Variants in PTPRT observed in about 807,000 individuals in gnomAD.
The protein encoded by PTPRT is protein tyrosine phosphatase receptor type T.
Under a neutral mutation model 176.8 loss-of-function variants are expected in PTPRT, and 56 were observed. That is an observed-to-expected ratio of 0.32 (90% CI 0.26 to 0.40). The LOEUF (loss-of-function observed/expected upper bound fraction) is 0.40. Among genes scored for constraint, PTPRT ranks in the 10% least tolerant of loss-of-function variants. The pLI is 1.00. For synonymous variants in PTPRT, 783 were observed against 739.0 expected (o/e 1.06, Z -0.96); for missense variants, 1,540 against 1,908.2 (o/e 0.81, Z 3.60).
chr20:42,609,689 T>G (rs2073941550), intron 7 of PTPRT, among the ~76,000 whole-genome samples: 1 of 152,180 alleles, frequency 6.6e-6, no homozygotes, highest in Non-Finnish European at 1.5e-5. Flanking sequence ...TTCCAGCTTC[T>G]CTTCCTCTAG....
rs558419960 is a variant in PTPRT at position 42,329,933 on chromosome 20, A to T, written c.1866-13937T>A. Among the ~76,000 whole-genome samples the T allele has an allele frequency of 7.9e-5, 12 of 152,288 alleles. No individual in the cohort carries two copies. The South Asian group carries it at 2.5e-3, about 32-fold the overall frequency. Reference sequence around the variant, plus strand: ...TACTTTGAAAATATTTTTTTAATTTAATATGTTACAAAATAGCTGTAGTAT... The same window carrying T: ...TACTTTGAAAATATTTTTTTAATTTTATATGTTACAAAATAGCTGTAGTAT... On this transcript the variant is annotated intron_variant, in intron 11 of 30. Transcript: ENST00000373187.
At chr20:42,306,199 G>C (rs1199789700) in intron 12 of PTPRT, among the ~76,000 whole-genome samples, 1 of 152,210 alleles carries the variant, frequency 6.6e-6, no homozygotes, top group Non-Finnish European at 1.5e-5. Flanking sequence ...AGCAACCTGG[G>C]AGAGCTCATC....
chr20:42,108,717 A>G (rs980383039), intron 23 of PTPRT, among the ~76,000 whole-genome samples: 4 of 152,202 alleles, frequency 2.6e-5, no homozygotes, highest in African/African-American at 9.6e-5. Context: ...GGAGAAAGAA[A>G]ACATTAAGAG....
chr20:42,965,735 A>G (rs147736277), intron 1 of PTPRT, among the ~76,000 whole-genome samples: 356 of 152,324 alleles, frequency 2.3e-3, no homozygotes, highest in African/African-American at 8.2e-3. Context: ...GGAAAAACTT[A>G]ACATGGCACT....
chr20:42,562,148 A>G (rs1027310163), intron 7 of PTPRT, among the ~76,000 whole-genome samples: 19 of 152,202 alleles, frequency 1.2e-4, no homozygotes, highest in African/African-American at 4.1e-4. Context: ...TAAAATAAAC[A>G]AATCTTAAGT....
chr20:42,547,543 C>T (rs192731741), intron 7 of PTPRT, among the ~76,000 whole-genome samples: 49 of 152,108 alleles, frequency 3.2e-4, no homozygotes, highest in African/African-American at 1.0e-3. Flanking sequence ...AGATAAAAGA[C>T]TGATAAAGTT....
rs1986500324 is a variant in PTPRT at position 42,106,898 on chromosome 20, C to T, written c.3278G>A (p.Cys1093Tyr). ...HCSAGAGRTG[C>Y]FIAIDTMLDM... ...AAGCATGGTGTCAATGGCAATGAAG[C>T]AGCCAGTCCGCCCAGCCCCAGCACT... The change falls in exon 24 of 31, where the codon TGC (cysteine) becomes TAC (tyrosine). Residue 1093 changes from cysteine (C) to tyrosine (Y), a missense_variant. Coordinates refer to ENST00000373187, the MANE Select transcript of PTPRT (RefSeq NM_007050.6). 1 of 1,613,996 alleles carries T rather than the reference C, an allele frequency of 6.2e-7. No homozygotes were observed. Among genetic ancestry groups the T allele is most frequent in the Admixed American group, 1.7e-5 (1 of 59,996 alleles).
Position 42,078,988 on chromosome 20 carries a change from A to AGGTAC in PTPRT, c.*1890_*1891insGTACC, listed in dbSNP as rs1983049335. 1 of 178,056 alleles carries AGGTAC rather than the reference A, an allele frequency of 5.6e-6. No individual in the cohort carries two copies. Among genetic ancestry groups the AGGTAC allele is most frequent in the Non-Finnish European group, 1.2e-5 (1 of 82,978 alleles). The allele number at this position is 178,056 out of a possible 1,614,324, so 11.0% of individuals were successfully genotyped here. ...TGAGGGCCAAAGCTGTACCTTCTTGAATTCTCTGCCCCTCATGCCCTGTCT... is the reference window on the plus strand; with the variant it reads ...TGAGGGCCAAAGCTGTACCTTCTTGAGGTACATTCTCTGCCCCTCATGCCCTGTCT... On this transcript the variant is annotated 3_prime_UTR_variant, in exon 31 of 31. Transcript: ENST00000373187.
intron 15 of PTPRT, among the ~76,000 whole-genome samples, chr20:42,229,985 A>G (rs1354807085): frequency 1.3e-5 from 2 of 152,058 alleles, no homozygotes; most frequent in Non-Finnish European, 2.9e-5. Context: ...ATGTGTTAGG[A>G]GTTCCATGGA....
At chr20:42,981,934 T>C (rs1983304944) in intron 1 of PTPRT, among the ~76,000 whole-genome samples, 1 of 152,124 alleles carries the variant, frequency 6.6e-6, no homozygotes, top group Admixed American at 6.5e-5. Context: ...CAATGGTCTC[T>C]TTATGGGGCG....
At chr20:42,784,257 G>T (rs1446563908) in intron 3 of PTPRT, among the ~76,000 whole-genome samples, 1 of 152,166 alleles carries the variant, frequency 6.6e-6, no homozygotes, top group East Asian at 1.9e-4. Flanking sequence ...GATATGTCAG[G>T]CCATGGTTTA....
intron 11 of PTPRT, among the ~76,000 whole-genome samples, chr20:42,350,226 T>TGTTGTTG (rs762596591): frequency 0.052 from 4,585 of 88,068 alleles, 268 homozygotes; most frequent in African/African-American, 0.14. Flanking sequence ...TTTTTTTTTT[T>TGTTGTTG]TTTTTTTTTT....
rs1982951428 is a variant in PTPRT, at chr20:42,078,074, A to G, written c.*2805T>C. ...CAGGCTGGGGAAGGCCAGCTGGGGCATTGGGCTGGAGCCGAGGGAGGCCAG... is the reference window on the plus strand; with the variant it reads ...CAGGCTGGGGAAGGCCAGCTGGGGCGTTGGGCTGGAGCCGAGGGAGGCCAG... On this transcript the variant is annotated 3_prime_UTR_variant, in exon 31 of 31. Transcript: ENST00000373187. 1.1e-5 allele frequency: 2 copies of G among 186,916 alleles called. No homozygotes were observed. Among genetic ancestry groups the G allele is most frequent in the African/African-American group, 4.7e-5 (2 of 42,698 alleles). The allele number at this position is 186,916 out of a possible 1,614,324, so 11.6% of individuals were successfully genotyped here. A position where few individuals can be genotyped will look rare whatever the true frequency, so the allele number is the denominator to read the frequency against.
At chr20:43,016,427 C>A (rs1985374183) in intron 1 of PTPRT, among the ~76,000 whole-genome samples, 1 of 151,816 alleles carries the variant, frequency 6.6e-6, no homozygotes, top group African/African-American at 2.4e-5. Flanking sequence ...GGACTGTGGT[C>A]TCCCCTTTCC....
chr20:42,908,880 G>C (rs1053743052), intron 1 of PTPRT, among the ~76,000 whole-genome samples: 2 of 152,162 alleles, frequency 1.3e-5, no homozygotes, highest in African/African-American at 4.8e-5. Context: ...AATACAGGAT[G>C]GTGCCAGGGC....
intron 7 of PTPRT, among the ~76,000 whole-genome samples, chr20:42,630,075 G>A (rs2074374771): frequency 6.6e-6 from 1 of 152,094 alleles, no homozygotes; most frequent in African/African-American, 2.4e-5. Flanking sequence ...TTCATTTTTT[G>A]GGTGGGCTCA....
chr20:42,852,702 C>A (rs1176924437), intron 2 of PTPRT, among the ~76,000 whole-genome samples: 2 of 152,156 alleles, frequency 1.3e-5, no homozygotes, highest in Non-Finnish European at 2.9e-5. Context: ...CAAGCCCAGC[C>A]TAGATACCTC....
chr20:42,399,236 G>C (rs1474991346), intron 9 of PTPRT, among the ~76,000 whole-genome samples: 1 of 152,254 alleles, frequency 6.6e-6, no homozygotes. Context: ...AGGGGCATGG[G>C]CATGGGCATA....
chr20:43,094,527 TA>T (rs753512862), intron 1 of PTPRT, among the ~76,000 whole-genome samples: 50 of 150,660 alleles, frequency 3.3e-4, no homozygotes, highest in Middle Eastern at 6.9e-3. Flanking sequence ...GCCTCCTGAG[TA>T]GCTGGGATTA....
Sources: allele counts gnomAD v4.1 joint callset (sites outside exome capture counted in the v4.1 genomes callset), GRCh38; gene constraint gnomAD v4.1.1; transcripts MANE v1.5; gene names NCBI Gene and HGNC (gene_info 2026-07-23, HGNC 2026-07-21).